Variants in NME6 observed in about 807,000 individuals in gnomAD.
The protein encoded by NME6 is NME/NM23 nucleoside diphosphate kinase 6, also known as nucleoside diphosphate kinase 6, mitochondrial.
A neutral mutation model predicts 22.2 loss-of-function variants in NME6; 16 were observed. The observed-to-expected ratio is 0.72, with a 90% CI of 0.49 to 1.09. The LOEUF (loss-of-function observed/expected upper bound fraction) is 1.09, where lower values mean the gene tolerates loss of function less well. Ranked by LOEUF, NME6 falls within the 50% of genes least tolerant of loss-of-function variation. The pLI is 0.00. For synonymous variants in NME6, 58 were observed against 85.2 expected (o/e 0.68, Z 1.76); for missense variants, 229 against 239.0 (o/e 0.96, Z 0.28).
chr3:48,296,254 G>C (rs1047371922), intron 3 of NME6, 96 bp from the exon 4 acceptor site: 1 of 1,560,650 alleles, frequency 6.4e-7, no homozygotes, highest in Non-Finnish European at 8.8e-7. Context: ...AATAAAAATT[G>C]TTTCAGAGAA....
Position 48,293,820 on chromosome 3 carries a change from A to C in NME6, c.*817T>G, listed in dbSNP as rs1300736945. On this transcript the variant is annotated 3_prime_UTR_variant, in exon 6 of 6. Coordinates refer to ENST00000442597, the MANE Select transcript of NME6 (RefSeq NM_001308426.2). ...AGAATTTATGAAAATAAATGTTTGCATAAGCTGATAAAGGAGATGAAGAAA... is the reference window on the plus strand; with the variant it reads ...AGAATTTATGAAAATAAATGTTTGCCTAAGCTGATAAAGGAGATGAAGAAA... The C allele has an allele frequency of 1.3e-5, 2 of 152,244 alleles. No homozygotes were observed. The highest frequency in any genetic ancestry group is 4.8e-5 in the African/African-American group (2 of 41,460). 9.4% of individuals were successfully genotyped at this position (152,244 alleles called of 1,614,324 possible). A position where few individuals can be genotyped will look rare whatever the true frequency, so the allele number is the denominator to read the frequency against.
downstream of NME6, among the ~76,000 whole-genome samples, chr3:48,289,736 A>G (rs1361283606): frequency 6.6e-6 from 1 of 152,212 alleles, no homozygotes; most frequent in Non-Finnish European, 1.5e-5. Flanking sequence ...GTGCACAGCT[A>G]AAGATGGGGG....
rs942850956 is a variant in NME6, at chr3:48,294,712, G to A, written c.486C>T (p.Arg162=). The change falls in exon 6 of 6, where the codon CGC becomes CGT. Residue 162 remains arginine (R), a synonymous_variant. Coordinates refer to ENST00000442597, the MANE Select transcript of NME6 (RefSeq NM_001308426.2). ...CTGGGCTATAGCACACAGGGCCACAGCGCAACTGGGGCTCTTCCTCCTCAT... is the reference window on the plus strand; with the variant it reads ...CTGGGCTATAGCACACAGGGCCACAACGCAACTGGGGCTCTTCCTCCTCAT... ...RWYEEEEPQL[R]CGPVCYSPEG... 5 of 1,614,196 alleles carry A rather than the reference G, an allele frequency of 3.1e-6. No individual in the cohort carries two copies. The highest frequency in any genetic ancestry group is 4.2e-6 in the Non-Finnish European group (5 of 1,180,046).
Position 48,295,598 on chromosome 3 carries a change from A to G in NME6, c.234-363T>C, listed in dbSNP as rs1285495162. The G allele has an allele frequency of 3.1e-5, 8 of 254,018 alleles. No individual in the cohort carries two copies. In the East Asian group the frequency reaches 6.5e-4, roughly 21 times the overall value. The allele number at this position is 254,018 out of a possible 1,614,324, so 15.7% of individuals were successfully genotyped here. A position where few individuals can be genotyped will look rare whatever the true frequency, so the allele number is the denominator to read the frequency against. Reference sequence around the variant, plus strand: ...ACTCTGTTGCCCAGGCTAGAGTACAATGGTTCAATCTCGGCTCACTGCAAC... The same window carrying G: ...ACTCTGTTGCCCAGGCTAGAGTACAGTGGTTCAATCTCGGCTCACTGCAAC... On this transcript the variant is annotated intron_variant, in intron 4 of 5. Coordinates refer to ENST00000442597, the MANE Select transcript of NME6 (RefSeq NM_001308426.2).
At chr3:48,290,921 A>C (rs1416474095), downstream of NME6, 3 of 251,416 alleles carry the variant, frequency 1.2e-5, no homozygotes, top group East Asian at 2.2e-4. Flanking sequence ...CGTGGCTACA[A>C]CACTTATGCT....
chr3:48,301,164 C>T (rs2035658365), intron 1 of NME6, 189 bp downstream of exon 1: 2 of 1,176,602 alleles, frequency 1.7e-6, no homozygotes, highest in South Asian at 1.6e-5. Context: ...CGGCCGGGAC[C>T]TGCGCCCCTA....
Position 48,293,825 on chromosome 3 carries a change from C to G in NME6, c.*812G>C, listed in dbSNP as rs1220816222. On this transcript the variant is annotated 3_prime_UTR_variant, in exon 6 of 6. Transcript: ENST00000442597. Reference sequence around the variant, plus strand: ...TTATGAAAATAAATGTTTGCATAAGCTGATAAAGGAGATGAAGAAAAACAC... The same window carrying G: ...TTATGAAAATAAATGTTTGCATAAGGTGATAAAGGAGATGAAGAAAAACAC... 1 of 152,108 alleles carries G rather than the reference C, an allele frequency of 6.6e-6. No homozygotes were observed. Among genetic ancestry groups the G allele is most frequent in the African/African-American group, 2.4e-5 (1 of 41,398 alleles). The allele number at this position is 152,108 out of a possible 1,614,324, so 9.4% of individuals were successfully genotyped here.
rs2034713188 is a variant in NME6, at chr3:48,293,462, A to G, written c.*1175T>C. The G allele has an allele frequency of 6.6e-6, 1 of 152,260 alleles. No homozygotes were observed. The highest frequency in any genetic ancestry group is 2.4e-5 in the African/African-American group (1 of 41,474). 9.4% of individuals were successfully genotyped at this position (152,260 alleles called of 1,614,324 possible). ...AGAAGTGTCACAGGTTTCTTAGGTC[A>G]CACATACAAAACTGACCCATATATT... On this transcript the variant is annotated 3_prime_UTR_variant, in exon 6 of 6. Coordinates refer to ENST00000442597, the MANE Select transcript of NME6 (RefSeq NM_001308426.2).
chr3:48,289,209 C>T (rs1028166086), downstream of NME6, among the ~76,000 whole-genome samples: 1 of 151,956 alleles, frequency 6.6e-6, no homozygotes, highest in Non-Finnish European at 1.5e-5. Flanking sequence ...GGATTATAGG[C>T]AGGCACCACC....
At chr3:48,295,457 T>C in intron 4 of NME6, 1 of 526,208 alleles carries the variant, frequency 1.9e-6, no homozygotes, top group Non-Finnish European at 3.4e-6. Flanking sequence ...AGGGGACTCT[T>C]CTAACCACCA....
chr3:48,298,453 C>T lies in NME6; in HGVS notation c.64G>A (p.Ala22Thr), dbSNP rs769433709. 8 of 1,613,968 alleles carry T rather than the reference C, an allele frequency of 5.0e-6. No individual in the cohort carries two copies. The highest frequency in any genetic ancestry group is 4.5e-5 in the East Asian group (2 of 44,904). ...QLTLALIKPD[A>T]VAHPLILEAV... The stretch of plus-strand genomic sequence containing the variant: ...TCCAGAATCAGTGGATGGGCGACTG[C>T]GTCAGGCTTGATCAGGGCTAGAGTG... Residue 22 changes from alanine to threonine, a missense_variant, in exon 2 of 6, where the codon GCA becomes ACA. Ala to Thr is a moderately conservative substitution (Grantham distance 58, BLOSUM62 0). Coordinates refer to ENST00000442597, the MANE Select transcript of NME6 (RefSeq NM_001308426.2).
At chr3:48,299,054 A>C in intron 1 of NME6, 1 of 699,318 alleles carries the variant, frequency 1.4e-6, no homozygotes, top group Middle Eastern at 2.3e-4. Context: ...TCTCTATTCT[A>C]ATATTATGGA....
chr3:48,298,595 A>G (rs2035372909), intron 1 of NME6, 72 bp from the exon 2 acceptor site: 1 of 1,075,018 alleles, frequency 9.3e-7, no homozygotes, highest in South Asian at 1.6e-5. Context: ...GGAGCCACGC[A>G]GCCTTGCAAG....
chr3:48,296,074 G>T, intron 4 of NME6, 45 bp downstream of exon 4: 1 of 1,246,228 alleles, frequency 8.0e-7, no homozygotes, highest in Non-Finnish European at 1.2e-6. Flanking sequence ...GGGCAGGGGA[G>T]ATTAGCCTCA....
intron 1 of NME6, 169 bp downstream of exon 1, chr3:48,301,183 GC>G (rs1265419240): frequency 4.4e-6 from 6 of 1,349,178 alleles, no homozygotes; most frequent in Non-Finnish European, 5.0e-6. Context: ...TACCCCCGTG[GC>G]CACGCCCTCC....
chr3:48,288,128 C>T (rs183677364), downstream of NME6, among the ~76,000 whole-genome samples: 4 of 152,142 alleles, frequency 2.6e-5, no homozygotes, highest in Admixed American at 2.0e-4. Flanking sequence ...TGCCTGTAAT[C>T]CTAGCACTTT....
chr3:48,289,607 C>T (rs952086193), downstream of NME6, among the ~76,000 whole-genome samples: 2 of 152,174 alleles, frequency 1.3e-5, no homozygotes, highest in African/African-American at 4.8e-5. Context: ...CCTTACAGCT[C>T]CCGCCTGAGC....
chr3:48,301,317 A>G, intron 1 of NME6, 36 bp downstream of exon 1: 2 of 1,592,110 alleles, frequency 1.3e-6, no homozygotes, highest in Non-Finnish European at 1.7e-6. Context: ...GGTCATTCGG[A>G]GCCCCAGTGC....
chr3:48,296,343 A>C, intron 3 of NME6, 185 bp from the exon 4 acceptor site: 1 of 771,528 alleles, frequency 1.3e-6, no homozygotes, highest in Non-Finnish European at 2.2e-6. Flanking sequence ...AGTTTTGGGT[A>C]AATCATTAAC....
Sources: gnomAD v4.1 joint callset for allele counts (sites outside exome capture counted in the v4.1 genomes callset) on GRCh38, gnomAD v4.1.1 for gene constraint, MANE v1.5 for transcripts, NCBI Gene and HGNC (gene_info 2026-07-23, HGNC 2026-07-21) for gene names.